MFSD11: variants seen among roughly 807,000 people sequenced by gnomAD.
MFSD11 encodes UNC93-like protein MFSD11.
Under a neutral mutation model 53.5 loss-of-function variants are expected in MFSD11, and 36 were observed. That is an observed-to-expected ratio of 0.67 (90% CI 0.52 to 0.89). MFSD11 has a LOEUF of 0.89. Ranked by LOEUF, MFSD11 falls within the 40% of genes least tolerant of loss-of-function variation. The probability of loss-of-function intolerance (pLI) is 0.00; values close to 1 mark genes in which losing one functional copy is unlikely to be tolerated. For synonymous variants in MFSD11, 186 were observed against 184.9 expected (o/e 1.01, Z -0.05); for missense variants, 530 against 543.9 (o/e 0.97, Z 0.25).
At chr17:76,742,826 A>G (rs1215771754) in intron 5 of MFSD11, among the ~76,000 whole-genome samples, 2 of 152,184 alleles carry the variant, frequency 1.3e-5, no homozygotes, top group East Asian at 3.8e-4. Context: ...TTAAGAAGAA[A>G]GCAAAACAGC....
chr17:76,736,700 C>A, upstream of MFSD11: 4 of 1,312,178 alleles, frequency 3.0e-6, no homozygotes, highest in South Asian at 7.6e-5. Context: ...CCGCCCCGTC[C>A]GGGCCCGCAC....
intron 7 of MFSD11, among the ~76,000 whole-genome samples, chr17:76,746,011 A>G (rs1244186468): frequency 6.6e-6 from 1 of 152,212 alleles, no homozygotes; most frequent in African/African-American, 2.4e-5. Flanking sequence ...GAAGACATGT[A>G]GAAAGCTGAG....
At chr17:76,780,394 TC>T (rs2144984104), downstream of MFSD11, among the ~76,000 whole-genome samples, 1 of 152,182 alleles carries the variant, frequency 6.6e-6, no homozygotes, top group South Asian at 2.1e-4. Context: ...GGTCTTGAAC[TC>T]CTGGGCTTAA....
intron 8 of MFSD11, among the ~76,000 whole-genome samples, chr17:76,762,383 G>C (rs867828202): frequency 1.6e-4 from 24 of 152,170 alleles, no homozygotes; most frequent in African/African-American, 5.5e-4. Context: ...CTGACACACA[G>C]ATATTCTGCT....
At position 76,744,417 on chromosome 17, in the gene MFSD11, G is replaced by A; in HGVS notation, c.592G>A (p.Val198Ile). The change falls in exon 7 of 13, where the codon GTC becomes ATC. Residue 198 changes from valine to isoleucine, a missense_variant. By Grantham distance (29) the Val-to-Ile change is conservative (BLOSUM62 3). Coordinates refer to ENST00000685175, the MANE Select transcript of MFSD11 (RefSeq NM_001242532.5). The stretch of plus-strand genomic sequence containing the variant: ...CATTCGGAAACCAGATTCTGAAAAT[G>A]TCCTAGGAGAAGATGAGTCTTCTGA... ...FLIRKPDSEN[V>I]LGEDESSDDQ... is the part of the protein sequence containing the mutation. 1 of 1,614,106 alleles carries A rather than the reference G, an allele frequency of 6.2e-7. No homozygotes were observed. The highest frequency in any genetic ancestry group is 8.5e-7 in the Non-Finnish European group (1 of 1,179,996).
rs151239652 is a variant in MFSD11 at position 76,778,327 on chromosome 17, G to A, written c.1325G>A (p.Arg442His). 2.0e-5 allele frequency: 33 copies of A among 1,614,162 alleles called. No individual in the cohort carries two copies. Among genetic ancestry groups the A allele is most frequent in the East Asian group, 1.3e-4 (6 of 44,886 alleles). Residue 442 changes from arginine (R) to histidine (H), a missense_variant, in exon 13 of 13, where the codon CGC becomes CAC. Physicochemically the swap from Arg to His is conservative, Grantham distance 29 (BLOSUM62 0). Transcript: ENST00000685175. The part of the protein sequence containing the change: ...VEWEAAAFVA[R>H]GSDYRSI ...TGGGAAGCTGCCGCCTTTGTAGCCCGCGGCTCTGACTACCGAAGTATCTGA... is the reference window on the plus strand; with the variant it reads ...TGGGAAGCTGCCGCCTTTGTAGCCCACGGCTCTGACTACCGAAGTATCTGA...
intron 6 of MFSD11, among the ~76,000 whole-genome samples, chr17:76,743,691 A>T (rs890327438): frequency 1.3e-5 from 2 of 152,122 alleles, no homozygotes. Flanking sequence ...ATCTTGGCTC[A>T]CCGCAACCTC....
At chr17:76,781,988 A>ATTTTTTT (rs57536397), downstream of MFSD11, among the ~76,000 whole-genome samples, 4,663 of 137,268 alleles carry the variant, frequency 0.034, 350 homozygotes, top group African/African-American at 0.12. Flanking sequence ...TGCCTGGATA[A>ATTTTTTT]TTTTTTTTTT....
At chr17:76,757,373 G>A (rs1459223745) in intron 8 of MFSD11, among the ~76,000 whole-genome samples, 1 of 152,200 alleles carries the variant, frequency 6.6e-6, no homozygotes, top group African/African-American at 2.4e-5. Flanking sequence ...AGACTCAGGG[G>A]CCAGTTCCTG....
chr17:76,762,832 A>G (rs2080418805), intron 8 of MFSD11, among the ~76,000 whole-genome samples: 1 of 152,044 alleles, frequency 6.6e-6, no homozygotes, highest in African/African-American at 2.4e-5. Context: ...CCTTAGGACC[A>G]CAAGAGTAAA....
chr17:76,789,572 T>C, the MFSD11 span, among the ~76,000 whole-genome samples: 2 of 150,104 alleles, frequency 1.3e-5, no homozygotes, highest in Admixed American at 1.3e-4. Flanking sequence ...TTCTATCTAC[T>C]GGGAGACTGC....
At chr17:76,736,712 A>G (rs2077513524), upstream of MFSD11, 7 of 1,342,124 alleles carry the variant, frequency 5.2e-6, no homozygotes, top group Non-Finnish European at 6.7e-6. Flanking sequence ...GGCCCGCACC[A>G]CGTGCTTCGC....
At chr17:76,737,335 C>T (rs376946601), upstream of MFSD11, 13 of 828,966 alleles carry the variant, frequency 1.6e-5, no homozygotes, top group Non-Finnish European at 2.0e-5. Flanking sequence ...AACAACTGGG[C>T]GGGCAGCCGG....
the MFSD11 span, among the ~76,000 whole-genome samples, chr17:76,790,116 C>G: frequency 7.1e-6 from 1 of 140,774 alleles, no homozygotes; most frequent in African/African-American, 2.6e-5. Flanking sequence ...GAGTCTCACT[C>G]TGTTGCCCAG....
At chr17:76,794,136 A>T in the MFSD11 span, among the ~76,000 whole-genome samples, 1 of 151,438 alleles carries the variant, frequency 6.6e-6, no homozygotes, top group South Asian at 2.1e-4. Flanking sequence ...ACTCAATGTG[A>T]TAATTTGCTA....
intron 12 of MFSD11, among the ~76,000 whole-genome samples, chr17:76,777,119 T>G (rs1348529754): frequency 6.6e-6 from 1 of 152,024 alleles, no homozygotes; most frequent in Non-Finnish European, 1.5e-5. Flanking sequence ...TACAAAAAAA[T>G]TAGCCGGGCG....
rs1792241732 is a variant in MFSD11 at position 76,753,899 on chromosome 17, T to A, written c.642-148T>A. 8.3e-6 allele frequency: 5 copies of A among 603,290 alleles called. No homozygotes were observed. In the South Asian group the frequency reaches 8.5e-5, roughly 10 times the overall value. The allele number at this position is 603,290 out of a possible 1,614,324, so 37.4% of individuals were successfully genotyped here. A position where few individuals can be genotyped will look rare whatever the true frequency, so the allele number is the denominator to read the frequency against. On this transcript the variant is annotated intron_variant, in intron 7 of 12. Coordinates refer to ENST00000685175, the MANE Select transcript of MFSD11 (RefSeq NM_001242532.5). ...GAGGGTGTGGCCATGAGGGACACCC[T>A]GAGGCAAGGAGCATTCGAGTCACTG... is the stretch of plus-strand genomic sequence containing the variant.
chr17:76,770,336 C>T (rs1347480451), intron 10 of MFSD11, among the ~76,000 whole-genome samples: 1 of 152,046 alleles, frequency 6.6e-6, no homozygotes, highest in South Asian at 2.1e-4. Flanking sequence ...CCATGCCCGG[C>T]CTATTATTGC....
chr17:76,763,858 G>A (rs74651963), intron 8 of MFSD11, among the ~76,000 whole-genome samples: 4,427 of 150,670 alleles, frequency 0.029, 92 homozygotes, highest in Middle Eastern at 0.072. Flanking sequence ...GGTACAACAT[G>A]TTTTTGTTTT....
Sources: gnomAD v4.1 joint callset for allele counts (sites outside exome capture counted in the v4.1 genomes callset) on GRCh38, gnomAD v4.1.1 for gene constraint, MANE v1.5 for transcripts, NCBI Gene and HGNC (gene_info 2026-07-23, HGNC 2026-07-21) for gene names.